ZNF514: variants seen among roughly 807,000 people sequenced by gnomAD.
ZNF514 encodes zinc finger protein 514.
A neutral mutation model predicts 9.7 loss-of-function variants in ZNF514; 12 were observed. The ratio of observed to expected loss-of-function variants is 1.24; its 90% CI spans 0.79 to 2.01. The LOEUF is 2.01. Among genes scored for constraint, ZNF514 ranks in the 30% most tolerant of loss-of-function variants. The pLI is 0.00. For synonymous variants in ZNF514, 158 were observed against 163.7 expected (o/e 0.97, Z 0.27); for missense variants, 467 against 465.5 (o/e 1.00, Z -0.03).
At chr2:95,128,404 A>C in the ZNF514 span, among the ~76,000 whole-genome samples, 6 of 151,656 alleles carry the variant, frequency 4.0e-5, no homozygotes, top group African/African-American at 1.5e-4. Flanking sequence ...AAAAAAAAAA[A>C]AAAACAGCTG....
the ZNF514 span, among the ~76,000 whole-genome samples, chr2:95,136,743 G>A: frequency 6.6e-6 from 1 of 152,090 alleles, no homozygotes; most frequent in African/African-American, 2.4e-5. Context: ...TTTTGTTGTT[G>A]TTTATGATGG....
chr2:95,157,553 G>T, intron 1 of ZNF514, 114 bp from the exon 2 acceptor site: 1 of 470,354 alleles, frequency 2.1e-6, no homozygotes, highest in Non-Finnish European at 3.8e-6. Flanking sequence ...GTTGTTCTGA[G>T]GACACCAGTG....
chr2:95,136,632 A>C, the ZNF514 span, among the ~76,000 whole-genome samples: 1 of 152,084 alleles, frequency 6.6e-6, no homozygotes, highest in Non-Finnish European at 1.5e-5. Flanking sequence ...GGAAAAAAAA[A>C]AAAAAGAGGG....
In ZNF514 at chr2:95,159,488, G is replaced by C. The variant is rs778124760; in HGVS notation, c.-344C>G. 1 of 153,664 alleles carries C rather than the reference G, an allele frequency of 6.5e-6. No homozygotes were observed. Among genetic ancestry groups the C allele is most frequent in the South Asian group, 2.0e-4 (1 of 5,088 alleles). 9.5% of individuals were successfully genotyped at this position (153,664 alleles called of 1,614,324 possible). ...CTCCGGCCTGCACAGTCCCTAGCGGGGGGCACTCGGAGGGACACACCCAGC... is the reference window on the plus strand; with the variant it reads ...CTCCGGCCTGCACAGTCCCTAGCGGCGGGCACTCGGAGGGACACACCCAGC... On this transcript the variant is annotated 5_prime_UTR_variant, in exon 1 of 5. Coordinates refer to ENST00000295208, the MANE Select transcript of ZNF514 (RefSeq NM_032788.3).
chr2:95,149,793 G>A lies in ZNF514; in HGVS notation c.692C>T (p.Pro231Leu), dbSNP rs751035147. The A allele has an allele frequency of 8.1e-6, 13 of 1,614,040 alleles. No individual in the cohort carries two copies. Among genetic ancestry groups the A allele is most frequent in the Middle Eastern group, 1.6e-4 (1 of 6,084 alleles). ...TCTTCCACAGTCACTGCATTCATAC[G>A]GCTTTTCTCCAGTGTGACATCGCTG... ...RHQRCHTGEK[P>L]YECSDCGRAF... The change falls in exon 5 of 5, where the codon CCG (proline) becomes CTG (leucine). Residue 231 changes from proline (P) to leucine (L), a missense_variant. Physicochemically the swap from Pro to Leu is moderately conservative, Grantham distance 98 (BLOSUM62 -3). Coordinates refer to ENST00000295208, the MANE Select transcript of ZNF514 (RefSeq NM_032788.3).
At chr2:95,151,329 T>C (rs1016679231) in intron 4 of ZNF514, among the ~76,000 whole-genome samples, 1 of 152,210 alleles carries the variant, frequency 6.6e-6, no homozygotes, top group African/African-American at 2.4e-5. Context: ...GAGGGGCACT[T>C]TCAGTCAAGT....
At chr2:95,131,046 G>A in the ZNF514 span, among the ~76,000 whole-genome samples, 10 of 152,194 alleles carry the variant, frequency 6.6e-5, no homozygotes, top group Admixed American at 2.6e-4. Context: ...TTCTTCTGCC[G>A]TGGTTTCAGC....
chr2:95,133,978 T>C, the ZNF514 span, among the ~76,000 whole-genome samples: 3 of 152,234 alleles, frequency 2.0e-5, no homozygotes, highest in Non-Finnish European at 4.4e-5. Context: ...TTCTCTGTAT[T>C]ATTTCTCACA....
Position 95,146,469 on chromosome 2 carries a change from A to T in ZNF514, c.*2813T>A, listed in dbSNP as rs1483548877. On this transcript the variant is annotated 3_prime_UTR_variant, in exon 5 of 5. Coordinates refer to ENST00000295208, the MANE Select transcript of ZNF514 (RefSeq NM_032788.3). ...TAAGTAGAGAAGGTGCCCCCGGCTG[A>T]TAGAACAGCTAAGGTAAAGGTTTGC... 5.3e-5 allele frequency among the ~76,000 whole-genome samples: 8 copies of T among 152,110 alleles called. No homozygotes were observed. The highest frequency in any genetic ancestry group is 1.4e-4 in the African/African-American group (6 of 41,420).
the ZNF514 span, among the ~76,000 whole-genome samples, chr2:95,126,090 G>A: frequency 6.6e-6 from 1 of 152,108 alleles, no homozygotes; most frequent in Non-Finnish European, 1.5e-5. Flanking sequence ...GAAACTGCCA[G>A]CCGGGCATGG....
the ZNF514 span, among the ~76,000 whole-genome samples, chr2:95,126,412 G>GAAA: frequency 2.9e-5 from 4 of 139,326 alleles, no homozygotes; most frequent in African/African-American, 1.1e-4. Context: ...AAGAAAGAAA[G>GAAA]GAAGAAAAAA....
chr2:95,144,511 G>A (rs1573372053), downstream of ZNF514, among the ~76,000 whole-genome samples: 1 of 152,158 alleles, frequency 6.6e-6, no homozygotes, highest in East Asian at 1.9e-4. Flanking sequence ...TCTGTGCATT[G>A]TCACACATCA....
chr2:95,130,536 CG>C, the ZNF514 span, among the ~76,000 whole-genome samples: 1 of 152,020 alleles, frequency 6.6e-6, no homozygotes, highest in African/African-American at 2.4e-5. Context: ...AGGTATGCCC[CG>C]GGGGGGCCGG....
the ZNF514 span, among the ~76,000 whole-genome samples, chr2:95,123,863 G>A: frequency 2.0e-5 from 3 of 152,146 alleles, no homozygotes; most frequent in Admixed American, 1.3e-4. Context: ...TTACTTAGTC[G>A]TTTGTTTCTA....
the ZNF514 span, among the ~76,000 whole-genome samples, chr2:95,127,468 A>G: frequency 6.6e-6 from 1 of 152,234 alleles, no homozygotes; most frequent in Non-Finnish European, 1.5e-5. Context: ...TCTACTGTCT[A>G]TATGGTAACC....
chr2:95,150,033 T>C lies in ZNF514; in HGVS notation c.452A>G (p.Tyr151Cys), dbSNP rs759283684. 6 of 1,614,110 alleles carry C rather than the reference T, an allele frequency of 3.7e-6. No homozygotes were observed. The highest frequency in any genetic ancestry group is 5.1e-6 in the Non-Finnish European group (6 of 1,180,044). ...HKSATTLSRD[Y>C]KWNGFGRSLG... ...GCTTCTCCCAAATCCATTCCATTTA[T>C]AATCTCTGCTAAGGGTGGTGGCAGA... The change falls in exon 5 of 5, where the codon TAT becomes TGT. Residue 151 changes from tyrosine (Y) to cysteine (C), a missense_variant. Physicochemically the swap from Tyr to Cys is radical, Grantham distance 194 (BLOSUM62 -2). Coordinates refer to ENST00000295208, the MANE Select transcript of ZNF514 (RefSeq NM_032788.3).
chr2:95,142,021 CTTCTT>C (rs1211979205), downstream of ZNF514, among the ~76,000 whole-genome samples: 3 of 152,088 alleles, frequency 2.0e-5, no homozygotes, highest in South Asian at 2.1e-4. Context: ...TATGGTCATT[CTTCTT>C]TTCATTTTCT....
In ZNF514 at chr2:95,147,187, A is replaced by G. The variant is rs1159843507; in HGVS notation, c.*2095T>C. On this transcript the variant is annotated 3_prime_UTR_variant, in exon 5 of 5. Transcript: ENST00000295208. ...CAACATGGTAGGAACTTTAAAGCAGAGCCTGACAAGGTTCTGAGACCCAGT... is the reference window on the plus strand; with the variant it reads ...CAACATGGTAGGAACTTTAAAGCAGGGCCTGACAAGGTTCTGAGACCCAGT... 11 of 152,224 alleles carry G rather than the reference A, an allele frequency of 7.2e-5. No individual in the cohort carries two copies. Among genetic ancestry groups the G allele is most frequent in the Admixed American group, 7.2e-4 (11 of 15,276 alleles). The allele number at this position is 152,224 out of a possible 1,614,324, so 9.4% of individuals were successfully genotyped here.
At chr2:95,157,180 G>C (rs1310218517) in intron 2 of ZNF514, among the ~76,000 whole-genome samples, 171 bp downstream of exon 2, 3 of 152,160 alleles carry the variant, frequency 2.0e-5, no homozygotes, top group African/African-American at 7.2e-5. Context: ...AGCAAGAAGA[G>C]AACACCCCGG....
Sources: allele counts gnomAD v4.1 joint callset (sites outside exome capture counted in the v4.1 genomes callset), GRCh38; gene constraint gnomAD v4.1.1; transcripts MANE v1.5; gene names NCBI Gene and HGNC (gene_info 2026-07-23, HGNC 2026-07-21).